Variants in CLYBL observed in about 807,000 individuals in gnomAD.
CLYBL encodes the protein citramalyl-CoA lyase, mitochondrial.
Under a neutral mutation model 38.9 loss-of-function variants are expected in CLYBL, and 31 were observed. The observed-to-expected ratio is 0.80, with a 90% CI of 0.60 to 1.08. CLYBL has a LOEUF of 1.08. Ranked by LOEUF, CLYBL falls within the 50% of genes least tolerant of loss-of-function variation. The probability of loss-of-function intolerance (pLI) is 0.00; values close to 1 mark genes in which losing one functional copy is unlikely to be tolerated. For missense variants in CLYBL, 434 were observed against 411.6 expected, an observed-to-expected ratio of 1.05 and a Z score of -0.47; for synonymous variants, 171 against 158.6, an observed-to-expected ratio of 1.08 and a Z score of -0.59.
intron 1 of CLYBL, among the ~76,000 whole-genome samples, chr13:99,666,418 C>T (rs2047482405): frequency 6.6e-6 from 1 of 152,116 alleles, no homozygotes; most frequent in Admixed American, 6.6e-5. Flanking sequence ...AGATGGGCTC[C>T]AATGTGATAA....
chr13:99,724,541 A>G (rs2048441451), intron 1 of CLYBL, among the ~76,000 whole-genome samples: 1 of 152,014 alleles, frequency 6.6e-6, no homozygotes, highest in Admixed American at 6.6e-5. Context: ...AGATGAAAAA[A>G]AAAAAAAGAA....
At chr13:99,906,519 G>C (rs1194292670) in intron 9 of CLYBL, among the ~76,000 whole-genome samples, 1 of 151,966 alleles carries the variant, frequency 6.6e-6, no homozygotes, top group Non-Finnish European at 1.5e-5. Context: ...CGCCTCCCGG[G>C]TTCAAGCAAT....
chr13:99,722,629 C>T (rs764258804), intron 1 of CLYBL, among the ~76,000 whole-genome samples: 1 of 152,116 alleles, frequency 6.6e-6, no homozygotes, highest in Non-Finnish European at 1.5e-5. Context: ...AGCAGTATTC[C>T]AGTGAGCCAT....
At chr13:99,746,657 T>C (rs2048856556) in intron 1 of CLYBL, among the ~76,000 whole-genome samples, 1 of 152,214 alleles carries the variant, frequency 6.6e-6, no homozygotes, top group African/African-American at 2.4e-5. Context: ...GGATCCAAAA[T>C]TATTAATGAT....
chr13:99,613,283 G>A (rs2793757), intron 1 of CLYBL, among the ~76,000 whole-genome samples: 128,027 of 152,042 alleles, frequency 0.84, 54,030 homozygotes, highest in Middle Eastern at 0.91. Context: ...TTGCAGTGCC[G>A]TGGTGGAGAG....
At chr13:99,806,030 A>G (rs1448529223) in intron 2 of CLYBL, among the ~76,000 whole-genome samples, 1 of 152,122 alleles carries the variant, frequency 6.6e-6, no homozygotes, top group African/African-American at 2.4e-5. Context: ...TCAGTTTTTC[A>G]CTATAATTTT....
chr13:99,908,795 G>A (rs147520591), exon 10 of CLYBL, among the ~76,000 whole-genome samples: 24 of 152,292 alleles, frequency 1.6e-4, no homozygotes, highest in African/African-American at 3.6e-4. Context: ...TACTTTGCTC[G>A]TTCCTGGCAA....
chr13:99,900,995 C>G (rs528833651), downstream of CLYBL, among the ~76,000 whole-genome samples: 1 of 152,218 alleles, frequency 6.6e-6, no homozygotes, highest in African/African-American at 2.4e-5. Context: ...GCCTCCCAGA[C>G]TCAACATGCC....
chr13:99,710,030 TCTC>T (rs2048205935), intron 1 of CLYBL, among the ~76,000 whole-genome samples: 1 of 150,886 alleles, frequency 6.6e-6, no homozygotes, highest in Admixed American at 6.6e-5. Flanking sequence ...TTCACGCCAT[TCTC>T]CTGCCTCAGC....
intron 8 of CLYBL, chr13:99,891,649 C>T (rs61580802): frequency 2.8e-5 from 12 of 429,958 alleles, no homozygotes; most frequent in Middle Eastern, 6.5e-4. Context: ...TAGTGTATTA[C>T]GAATATGGGC....
intron 1 of CLYBL, among the ~76,000 whole-genome samples, chr13:99,634,184 A>T (rs1224775273): frequency 2.0e-5 from 3 of 152,236 alleles, no homozygotes; most frequent in Non-Finnish European, 4.4e-5. Context: ...TGCTTATCAG[A>T]AACAGTGGAG....
intron 1 of CLYBL, among the ~76,000 whole-genome samples, chr13:99,610,346 T>C (rs2046607118): frequency 6.6e-6 from 1 of 152,248 alleles, no homozygotes; most frequent in South Asian, 2.1e-4. Flanking sequence ...TCATACTTTC[T>C]TTTCGTTGCA....
chr13:99,662,671 A>T (rs185156446), intron 1 of CLYBL, among the ~76,000 whole-genome samples: 5 of 152,092 alleles, frequency 3.3e-5, no homozygotes, highest in African/African-American at 1.2e-4. Flanking sequence ...AATGGATACC[A>T]CTTTTCCTTT....
At chr13:99,642,408 T>G (rs1208369903) in intron 1 of CLYBL, among the ~76,000 whole-genome samples, 1 of 141,414 alleles carries the variant, frequency 7.1e-6, no homozygotes, top group Non-Finnish European at 1.6e-5. Flanking sequence ...TTTTTATGAT[T>G]ATTGTTATTA....
intron 2 of CLYBL, among the ~76,000 whole-genome samples, chr13:99,851,196 T>G (rs373428784): frequency 6.6e-6 from 1 of 151,876 alleles, no homozygotes; most frequent in Non-Finnish European, 1.5e-5. Flanking sequence ...GGCGAAACCC[T>G]GCCTCTACTA....
chr13:99,860,823 GCTTA>G (rs530622831), intron 3 of CLYBL, among the ~76,000 whole-genome samples: 1 of 152,234 alleles, frequency 6.6e-6, no homozygotes, highest in Non-Finnish European at 1.5e-5. Context: ...TGAAAGATGG[GCTTA>G]CTTGTTTTCT....
chr13:99,628,033 C>G (rs2139223979), intron 1 of CLYBL, among the ~76,000 whole-genome samples: 1 of 152,246 alleles, frequency 6.6e-6, no homozygotes, highest in Non-Finnish European at 1.5e-5. Flanking sequence ...TGCAGAGGTA[C>G]TAAAACGTGA....
At chr13:99,719,169 T>C (rs9585204) in intron 1 of CLYBL, among the ~76,000 whole-genome samples, 25 of 148,136 alleles carry the variant, frequency 1.7e-4, no homozygotes, top group African/African-American at 6.0e-4. Context: ...TTTTTTTTTT[T>C]AAGACAGGGT....
At chr13:99,787,280 A>T (rs1404403852) in intron 2 of CLYBL, among the ~76,000 whole-genome samples, 1 of 152,166 alleles carries the variant, frequency 6.6e-6, no homozygotes. Context: ...GCCCATGCCT[A>T]TGTCCTGAAT....
Sources: gnomAD v4.1 joint callset for allele counts (sites outside exome capture counted in the v4.1 genomes callset) on GRCh38, gnomAD v4.1.1 for gene constraint, MANE v1.5 for transcripts, NCBI Gene and HGNC (gene_info 2026-07-23, HGNC 2026-07-21) for gene names.